Variants in NUDT22 observed in about 807,000 individuals in gnomAD.
NUDT22 encodes uridine diphosphate glucose pyrophosphatase NUDT22.
In NUDT22, 23 loss-of-function variants were observed where a neutral mutation model predicts 28.8. The ratio of observed to expected loss-of-function variants is 0.80; its 90% CI spans 0.58 to 1.13. NUDT22 has a LOEUF of 1.13. Among genes scored for constraint, NUDT22 ranks in the 50% most tolerant of loss-of-function variants. The pLI is 0.00. For missense variants in NUDT22, 358 were observed against 387.3 expected, an observed-to-expected ratio of 0.92 and a Z score of 0.64; for synonymous variants, 175 against 173.7, an observed-to-expected ratio of 1.01 and a Z score of -0.06.
chr11:64,230,128 C>A, downstream of NUDT22: 1 of 999,724 alleles, frequency 1.0e-6, no homozygotes, highest in Non-Finnish European at 1.5e-6. Context: ...CAGCCTGTGT[C>A]CCCCTCTGCA....
chr11:64,226,631 C>T lies in NUDT22; in HGVS notation c.-18-4C>T, dbSNP rs759612235. The T allele has an allele frequency of 1.3e-6, 2 of 1,549,070 alleles. No homozygotes were observed. The highest frequency in any genetic ancestry group is 4.5e-5 in the East Asian group (2 of 44,386). On this transcript the variant is annotated splice_region_variant and splice_polypyrimidine_tract_variant and intron_variant, in intron 1 of 5. Transcript: ENST00000279206. ...ATGACAGGCCTGGCCGTATCCTCCC[C>T]CAGAGCTGCCCCGTTCAGACCATGG...
rs781508465 is a variant in NUDT22 at position 64,227,150 on chromosome 11, G to A, written c.480+18G>A. ...AGCCTCAGGTGAGATTCCAGGCTGG[G>A]CACAAAGACCCAGACAGCTCAAGGG... On this transcript the variant is annotated intron_variant, in intron 2 of 5. Transcript: ENST00000279206. The A allele has an allele frequency of 2.5e-6, 4 of 1,573,930 alleles. No individual in the cohort carries two copies. The highest frequency in any genetic ancestry group is 1.8e-5 in the Admixed American group (1 of 55,760).
chr11:64,229,626 CT>C (rs2134996285), intron 5 of NUDT22, 55 bp downstream of exon 5: 1 of 1,504,876 alleles, frequency 6.6e-7, no homozygotes, highest in Non-Finnish European at 9.2e-7. Context: ...CTGCAGAGGC[CT>C]GGCAATGCAT....
At chr11:64,227,388 A>G (rs1453115968) in intron 2 of NUDT22, 180 bp from the exon 3 acceptor site, 1 of 724,104 alleles carries the variant, frequency 1.4e-6, no homozygotes, top group East Asian at 2.7e-5. Flanking sequence ...CCCCCTGTGT[A>G]TCTCCTTTGA....
downstream of NUDT22, chr11:64,230,039 T>C: frequency 6.3e-7 from 1 of 1,598,994 alleles, no homozygotes; most frequent in Non-Finnish European, 8.5e-7. Context: ...CTGCTATTTC[T>C]GTAACAGAGA....
Position 64,226,347 on chromosome 11 carries a change from C to G in NUDT22, c.-99C>G, listed in dbSNP as rs112856902. 28,036 of 1,224,588 alleles carry G rather than the reference C, an allele frequency of 0.023. 399 individuals are homozygous for G. Among genetic ancestry groups the G allele is most frequent in the Non-Finnish European group, 0.025 (24,114 of 980,250 alleles). The allele number at this position is 1,224,588 out of a possible 1,614,324, so 75.9% of individuals were successfully genotyped here. A position where few individuals can be genotyped will look rare whatever the true frequency, so the allele number is the denominator to read the frequency against. ...CTTCCGGGCCCTGGAAAGGGGTCCC[C>G]GCGCGCCCCGGGTCGGAGGCAGACC... is the stretch of plus-strand genomic sequence containing the variant. On this transcript the variant is annotated 5_prime_UTR_variant, in exon 1 of 6. Transcript: ENST00000279206.
At position 64,226,959 on chromosome 11, in the gene NUDT22, C is replaced by T. The variant is rs999560037; in HGVS notation, c.307C>T (p.Arg103Ter). Residue 103 changes from arginine to a stop codon, truncating the protein, a stop_gained, in exon 2 of 6, where the codon CGA (arginine) becomes TGA (stop). Transcript: ENST00000279206. LOFTEE classifies it high-confidence loss of function. ...TNWSSSAAWL[R>*]QQGATDWGDT... Reference sequence around the variant, plus strand: ...CTGGTCCAGCTCAGCTGCCTGGCTGCGACAGCAGGGTGCCACCGACTGGGG... The same window carrying T: ...CTGGTCCAGCTCAGCTGCCTGGCTGTGACAGCAGGGTGCCACCGACTGGGG... The T allele has an allele frequency of 1.2e-6, 2 of 1,602,462 alleles. No individual in the cohort carries two copies. Among genetic ancestry groups the T allele is most frequent in the African/African-American group, 2.7e-5 (2 of 74,932 alleles).
chr11:64,226,258 G>A (rs575786891), upstream of NUDT22: 159 of 533,346 alleles, frequency 3.0e-4, 2 homozygotes, highest in South Asian at 8.3e-3. Context: ...GGGCACTTCC[G>A]CTTCGGGGAA....
chr11:64,228,356 C>A (rs1947105505), intron 3 of NUDT22, among the ~76,000 whole-genome samples: 2 of 151,850 alleles, frequency 1.3e-5, no homozygotes, highest in Non-Finnish European at 2.9e-5. Flanking sequence ...TTGCCTACTC[C>A]CCAAGTCTGT....
intron 5 of NUDT22, 132 bp from the exon 6 acceptor site, chr11:64,229,718 G>A: frequency 2.9e-6 from 4 of 1,383,576 alleles, no homozygotes; most frequent in East Asian, 4.6e-5. Flanking sequence ...GAAAGGTCCA[G>A]GGACATGTTC....
At chr11:64,226,497 A>G in intron 1 of NUDT22, 70 bp downstream of exon 1, 1 of 1,445,156 alleles carries the variant, frequency 6.9e-7, no homozygotes, top group South Asian at 1.5e-5. Context: ...GGCACGTTTT[A>G]CTGCCCAAGG....
chr11:64,230,111 A>AAAC (rs779809734), downstream of NUDT22: 1 of 928,910 alleles, frequency 1.1e-6, no homozygotes. Flanking sequence ...AAAAAAAAAA[A>AAAC]CCCGCCCAGC....
Position 64,227,064 on chromosome 11 carries a change from C to A in NUDT22, c.412C>A (p.Arg138Ser), listed in dbSNP as rs964708709. The stretch of plus-strand genomic sequence containing the variant: ...AGCCGATGACTTCCTTGTCTTCCTG[C>A]GCCGCTCCCGGCAGGTGGCTGAGGC... ...ATADDFLVFL[R>S]RSRQVAEAPG... Residue 138 changes from arginine (R) to serine (S), a missense_variant, in exon 2 of 6, where the codon CGC becomes AGC. Physicochemically the swap from Arg to Ser is moderately radical, Grantham distance 110. Transcript: ENST00000279206. The A allele has an allele frequency of 6.2e-7, 1 of 1,601,772 alleles. No individual in the cohort carries two copies. Among genetic ancestry groups the A allele is most frequent in the Non-Finnish European group, 8.5e-7 (1 of 1,178,416 alleles).
intron 3 of NUDT22, among the ~76,000 whole-genome samples, chr11:64,228,217 C>T (rs1379395831): frequency 4.7e-5 from 7 of 150,338 alleles, no homozygotes; most frequent in Non-Finnish European, 8.9e-5. Context: ...CAGAGTCTTG[C>T]TCTGTTGCCC....
In NUDT22 at chr11:64,229,984, G is replaced by A. The variant is rs1565312748; in HGVS notation, c.906G>A (p.Pro302=). 2 of 1,611,344 alleles carry A rather than the reference G, an allele frequency of 1.2e-6. No homozygotes were observed. The highest frequency in any genetic ancestry group is 1.3e-5 in the African/African-American group (1 of 74,700). The part of the protein sequence containing the change: ...AALGSPALLP[P]L ...TAGGGTCCCCAGCCCTACTCCCGCC[G>A]CTCTGAAAATAATAAACGACTTTAT... The change falls in exon 6 of 6, where the codon CCG becomes CCA. Residue 302 remains proline, a synonymous_variant. Coordinates refer to ENST00000279206, the MANE Select transcript of NUDT22 (RefSeq NM_032344.4).
Position 64,229,095 on chromosome 11 carries a change from C to T in NUDT22, c.580-152C>T. ...TGGTGTACCTGTAAAACAAACATGC[C>T]CATCATCTGACATTCTGTAATGCTG... is the stretch of plus-strand genomic sequence containing the variant. On this transcript the variant is annotated intron_variant, in intron 3 of 5. Coordinates refer to ENST00000279206, the MANE Select transcript of NUDT22 (RefSeq NM_032344.4). The T allele has an allele frequency of 1.4e-5, 8 of 581,506 alleles. No homozygotes were observed. In the South Asian group the frequency reaches 1.8e-4, roughly 13 times the overall value. The allele number at this position is 581,506 out of a possible 1,614,324, so 36.0% of individuals were successfully genotyped here. A position where few individuals can be genotyped will look rare whatever the true frequency, so the allele number is the denominator to read the frequency against.
At chr11:64,229,132 T>C in intron 3 of NUDT22, 115 bp from the exon 4 acceptor site, 1 of 653,012 alleles carries the variant, frequency 1.5e-6, no homozygotes, top group Non-Finnish European at 2.6e-6. Flanking sequence ...GTCCTTGATC[T>C]ACAAGCTATA....
intron 4 of NUDT22, 49 bp downstream of exon 4, chr11:64,229,393 G>A (rs922600804): frequency 1.2e-6 from 2 of 1,608,276 alleles, no homozygotes; most frequent in Non-Finnish European, 1.7e-6. Flanking sequence ...GGTGGGTGGT[G>A]AGGAGTGGGC....
intron 5 of NUDT22, 119 bp from the exon 6 acceptor site, chr11:64,229,731 C>T: frequency 2.2e-6 from 3 of 1,392,760 alleles, no homozygotes; most frequent in Non-Finnish European, 3.0e-6. Flanking sequence ...ACATGTTCAG[C>T]CCCTTAACAT....
Sources: allele counts gnomAD v4.1 joint callset (sites outside exome capture counted in the v4.1 genomes callset), GRCh38; gene constraint gnomAD v4.1.1; transcripts MANE v1.5; gene names NCBI Gene and HGNC (gene_info 2026-07-23, HGNC 2026-07-21).